SLC35F5: variants seen among roughly 807,000 people sequenced by gnomAD.
SLC35F5 encodes solute carrier family 35 member F5, also known as HCV NS5A-transactivated protein 3.
A neutral mutation model predicts 68.6 loss-of-function variants in SLC35F5; 54 were observed. The observed-to-expected ratio is 0.79, with a 90% CI of 0.63 to 0.99. The LOEUF (loss-of-function observed/expected upper bound fraction) is 0.99, where lower values mean the gene tolerates loss of function less well. Ranked by LOEUF, SLC35F5 falls within the 50% of genes least tolerant of loss-of-function variation. The pLI is 0.00. For missense variants in SLC35F5, 567 were observed against 626.9 expected, an observed-to-expected ratio of 0.90 and a Z score of 1.02; for synonymous variants, 211 against 205.2, an observed-to-expected ratio of 1.03 and a Z score of -0.24.
intron 9 of SLC35F5, among the ~76,000 whole-genome samples, chr2:113,733,708 C>T (rs1299339001): frequency 6.6e-6 from 1 of 152,214 alleles, no homozygotes; most frequent in Non-Finnish European, 1.5e-5. Context: ...ATACCAGACA[C>T]TTCATAGCTA....
In SLC35F5 at chr2:113,755,214, A is replaced by G. The variant is rs747948946; in HGVS notation, c.224T>C (p.Ile75Thr). Reference protein sequence around the residue: ...QRRRMALGIVILLLVDVIWVA... With the variant: ...QRRRMALGIVTLLLVDVIWVA... Reference sequence around the variant, plus strand: ...CCATATCACATCAACAAGCAGAAGAATAACAATCCCAAGAGCCATTCGCCT... The same window carrying G: ...CCATATCACATCAACAAGCAGAAGAGTAACAATCCCAAGAGCCATTCGCCT... Residue 75 changes from isoleucine to threonine, a missense_variant, in exon 3 of 16, where the codon ATT (isoleucine) becomes ACT (threonine). Physicochemically the swap from Ile to Thr is moderately conservative, Grantham distance 89. Transcript: ENST00000245680. The G allele has an allele frequency of 1.4e-5, 23 of 1,614,134 alleles. No individual in the cohort carries two copies. The highest frequency in any genetic ancestry group is 1.8e-5 in the Non-Finnish European group (21 of 1,180,020).
At position 113,729,497 on chromosome 2, in the gene SLC35F5, A is replaced by T; in HGVS notation, c.994T>A (p.Trp332Arg). The T allele has an allele frequency of 6.4e-7, 1 of 1,573,836 alleles. No individual in the cohort carries two copies. The highest frequency in any genetic ancestry group is 8.7e-7 in the Non-Finnish European group (1 of 1,154,066). ...PAGRDTVGSI[W>R]SLAGAMLYAV... ...TAGAGCATGGCTCCAGCAAGAGACC[A>T]AATGGAACCTGTAAAAATGGACATG... The change falls in exon 11 of 16, where the codon TGG becomes AGG. Residue 332 changes from tryptophan (W) to arginine (R), a missense_variant. By Grantham distance (101) the Trp-to-Arg change is moderately radical (BLOSUM62 -3). Coordinates refer to ENST00000245680, the MANE Select transcript of SLC35F5 (RefSeq NM_025181.5).
intron 1 of SLC35F5, 59 bp downstream of exon 1, chr2:113,756,311 T>C: frequency 6.4e-7 from 1 of 1,551,062 alleles, no homozygotes; most frequent in East Asian, 2.4e-5. Flanking sequence ...GTGCTGCTGG[T>C]GGGCACTCCG....
intron 3 of SLC35F5, 147 bp downstream of exon 3, chr2:113,755,018 G>A (rs1178045507): frequency 3.0e-6 from 2 of 670,000 alleles, no homozygotes; most frequent in Non-Finnish European, 4.7e-6. Flanking sequence ...ACTTCAAGTG[G>A]CAATAATTCA....
chr2:113,750,496 A>G lies in SLC35F5; in HGVS notation c.346T>C (p.Leu116=). 2 of 1,613,910 alleles carry G rather than the reference A, an allele frequency of 1.2e-6. No homozygotes were observed. The highest frequency in any genetic ancestry group is 1.7e-6 in the Non-Finnish European group (2 of 1,179,866). Residue 116 remains leucine (L), a synonymous_variant, in exon 4 of 16, where the codon TTG becomes CTG. Coordinates refer to ENST00000245680, the MANE Select transcript of SLC35F5 (RefSeq NM_025181.5). ...CATGGCTTCCAAATAATAAAGCCCA[A>G]AAGGTACAAAACAAACATAGATGTT... ...AKTSMFVLYL[L]GFIIWKPWRQ... is the part of the protein sequence containing the mutation.
At chr2:113,748,811 T>C (rs968088195) in intron 4 of SLC35F5, among the ~76,000 whole-genome samples, 1 of 133,930 alleles carries the variant, frequency 7.5e-6, no homozygotes, top group Non-Finnish European at 1.6e-5. Context: ...AATTGTTTTT[T>C]ATTTATTTAT....
chr2:113,746,155 G>A (rs1676474519), intron 5 of SLC35F5, 122 bp downstream of exon 5: 2 of 735,904 alleles, frequency 2.7e-6, no homozygotes, highest in Non-Finnish European at 4.7e-6. Flanking sequence ...CTAATGATGG[G>A]CACCCAATAT....
At chr2:113,718,352 C>A (rs1458521947) in intron 14 of SLC35F5, among the ~76,000 whole-genome samples, 1 of 152,022 alleles carries the variant, frequency 6.6e-6, no homozygotes, top group African/African-American at 2.4e-5. Flanking sequence ...CCTCCAGAGT[C>A]ACTGGAACCA....
Position 113,753,504 on chromosome 2 carries a change from T to A in SLC35F5, c.273+1661A>T, listed in dbSNP as rs77530053. Among the ~76,000 whole-genome samples, 13 of 152,206 alleles carry A rather than the reference T, an allele frequency of 8.5e-5. No homozygotes were observed. The East Asian group carries it at 1.7e-3, about 20-fold the overall frequency. ...ATCTCCAAAGTTTAATGAGCATAAC[T>A]GGTTGAAGAAGTAGAGACATTACAT... is the stretch of plus-strand genomic sequence containing the variant. On this transcript the variant is annotated intron_variant, in intron 3 of 15. Transcript: ENST00000245680.
In SLC35F5 at chr2:113,712,159, G is replaced by A. The variant is rs1026245007; in HGVS notation, c.*3059C>T. ...AATGAACTTATTTGTCAGCTGCCAG[G>A]GGGAAAATCAGCTTAATGTAAAGAA... On this transcript the variant is annotated 3_prime_UTR_variant, in exon 16 of 16. Transcript: ENST00000245680. Among the ~76,000 whole-genome samples, 1 of 152,162 alleles carries A rather than the reference G, an allele frequency of 6.6e-6. No individual in the cohort carries two copies. Among genetic ancestry groups the A allele is most frequent in the Non-Finnish European group, 1.5e-5 (1 of 68,038 alleles).
At chr2:113,723,500 CTG>C (rs1014192357) in intron 12 of SLC35F5, among the ~76,000 whole-genome samples, 102 of 152,148 alleles carry the variant, frequency 6.7e-4, no homozygotes, top group African/African-American at 2.4e-3. Flanking sequence ...TTTTAAAAAA[CTG>C]TTGAACAGTT....
intron 8 of SLC35F5, 110 bp from the exon 9 acceptor site, chr2:113,734,783 T>C: frequency 1.6e-6 from 1 of 642,330 alleles, no homozygotes; most frequent in East Asian, 2.8e-5. Context: ...CCTTTCAAAT[T>C]ATTTTTGTCA....
At chr2:113,748,811 T>A (rs968088195) in intron 4 of SLC35F5, among the ~76,000 whole-genome samples, 118 of 134,028 alleles carry the variant, frequency 8.8e-4, no homozygotes, top group Non-Finnish European at 3.2e-5. Context: ...AATTGTTTTT[T>A]ATTTATTTAT....
intron 11 of SLC35F5, among the ~76,000 whole-genome samples, chr2:113,728,809 G>A (rs1234283526): frequency 1.3e-5 from 2 of 152,108 alleles, no homozygotes; most frequent in African/African-American, 2.4e-5. Context: ...TACAGATATC[G>A]CAAGTTCTTT....
At chr2:113,750,392 C>G (rs1197213698) in intron 4 of SLC35F5, 33 bp downstream of exon 4, 1 of 1,552,872 alleles carries the variant, frequency 6.4e-7, no homozygotes, top group South Asian at 1.2e-5. Context: ...TCTATACCCC[C>G]TTCCTAACAG....
chr2:113,755,654 G>T, intron 1 of SLC35F5, 110 bp from the exon 2 acceptor site: 3 of 1,162,120 alleles, frequency 2.6e-6, no homozygotes, highest in South Asian at 1.3e-5. Flanking sequence ...CAATGAAAAG[G>T]ACCAAAATGT....
At chr2:113,738,084 T>G (rs931619930) in intron 7 of SLC35F5, among the ~76,000 whole-genome samples, 10 of 151,422 alleles carry the variant, frequency 6.6e-5, no homozygotes, top group African/African-American at 2.5e-4. Flanking sequence ...TCATCATCCA[T>G]AGTTACCATT....
At chr2:113,723,268 A>G in intron 12 of SLC35F5, 74 bp from the exon 13 acceptor site, 1 of 1,015,726 alleles carries the variant, frequency 9.8e-7, no homozygotes, top group Middle Eastern at 3.3e-4. Flanking sequence ...AAGACTTTCT[A>G]TCCTATAATA....
intron 1 of SLC35F5, 53 bp downstream of exon 1, chr2:113,756,317 C>A (rs988710319): frequency 1.0e-5 from 16 of 1,552,524 alleles, no homozygotes; most frequent in Non-Finnish European, 1.2e-5. Flanking sequence ...CTGGTGGGCA[C>A]TCCGTCCCGG....
Sources: allele counts gnomAD v4.1 joint callset (sites outside exome capture counted in the v4.1 genomes callset), GRCh38; gene constraint gnomAD v4.1.1; transcripts MANE v1.5; gene names NCBI Gene and HGNC (gene_info 2026-07-23, HGNC 2026-07-21).